The following TMEM117 variants were observed in gnomAD, a reference collection of about 807,000 sequenced individuals.
The protein encoded by TMEM117 is transmembrane protein 117.
In TMEM117, 27 loss-of-function variants were observed where a neutral mutation model predicts 52.4. The ratio of observed to expected loss-of-function variants is 0.51; its 90% CI spans 0.38 to 0.71. The LOEUF (loss-of-function observed/expected upper bound fraction) is 0.71. TMEM117 is among the 30% of genes least tolerant of loss of function. The pLI is 0.00. For missense variants in TMEM117, 556 were observed against 630.5 expected (o/e 0.88, Z 1.26); for synonymous variants, 215 against 206.3 (o/e 1.04, Z -0.36).
the TMEM117 span, among the ~76,000 whole-genome samples, chr12:43,807,560 T>C: frequency 1.3e-5 from 2 of 152,340 alleles, no homozygotes; most frequent in African/African-American, 4.8e-5. Context: ...AGAGAGAAAA[T>C]TGCAGAGTTG....
intron 3 of TMEM117, among the ~76,000 whole-genome samples, chr12:44,018,755 C>G (rs1946410440): frequency 6.9e-6 from 1 of 145,432 alleles, no homozygotes. Flanking sequence ...AAGTCTTGCT[C>G]TGTCGCCAGT....
rs140738586 is a variant in TMEM117, at chr12:43,898,306, C to T, written c.278-45904C>T. On this transcript the variant is annotated intron_variant, in intron 2 of 7. Coordinates refer to ENST00000266534, the MANE Select transcript of TMEM117 (RefSeq NM_032256.3). ...GTAATCTAGCTAGACATATGAATGCCCTTTTAGGTATTTTAGTGTCAAGCT... is the reference window on the plus strand; with the variant it reads ...GTAATCTAGCTAGACATATGAATGCTCTTTTAGGTATTTTAGTGTCAAGCT... 2.3e-3 allele frequency among the ~76,000 whole-genome samples: 348 copies of T among 150,464 alleles called. 1 individual carries two copies. The highest frequency in any genetic ancestry group is 4.0e-3 in the Non-Finnish European group (268 of 67,718).
intron 5 of TMEM117, among the ~76,000 whole-genome samples, chr12:44,266,588 T>C (rs1174565253): frequency 6.6e-6 from 1 of 152,188 alleles, no homozygotes; most frequent in African/African-American, 2.4e-5. Context: ...TCAATTTATT[T>C]TGCTGTCCTT....
intron 5 of TMEM117, among the ~76,000 whole-genome samples, chr12:44,249,491 C>T (rs1358927392): frequency 2.0e-5 from 3 of 152,068 alleles, no homozygotes; most frequent in Non-Finnish European, 4.4e-5. Context: ...GAAAAAACTA[C>T]GTTAAATTTC....
the TMEM117 span, chr12:43,806,132 G>C: frequency 3.3e-6 from 5 of 1,527,792 alleles, no homozygotes; most frequent in East Asian, 1.2e-4. Context: ...CTCCCGGCCC[G>C]ACTCCAGCCC....
At chr12:43,822,042 GTTT>G in the TMEM117 span, among the ~76,000 whole-genome samples, 1 of 152,168 alleles carries the variant, frequency 6.6e-6, no homozygotes, top group Non-Finnish European at 1.5e-5. Context: ...GTCTCAAAGA[GTTT>G]TTATAACTGT....
intron 3 of TMEM117, among the ~76,000 whole-genome samples, chr12:44,053,944 A>G (rs1057420805): frequency 6.6e-6 from 1 of 152,242 alleles, no homozygotes; most frequent in African/African-American, 2.4e-5. Flanking sequence ...TGGGGCAAAT[A>G]CAACTTTTAA....
chr12:43,893,638 T>C (rs576150840), intron 2 of TMEM117, among the ~76,000 whole-genome samples: 181 of 152,342 alleles, frequency 1.2e-3, no homozygotes, highest in African/African-American at 3.8e-3. Flanking sequence ...ATTTTTTCCA[T>C]CCAAATGTTA....
chr12:44,257,833 T>G (rs1950277093), intron 5 of TMEM117, among the ~76,000 whole-genome samples: 1 of 152,174 alleles, frequency 6.6e-6, no homozygotes, highest in Non-Finnish European at 1.5e-5. Flanking sequence ...GTTTCTATTT[T>G]TAAATAAAGT....
downstream of TMEM117, among the ~76,000 whole-genome samples, chr12:44,392,948 G>A (rs1160893709): frequency 2.0e-5 from 3 of 152,036 alleles, no homozygotes; most frequent in Admixed American, 2.0e-4. Flanking sequence ...ACAAACATCA[G>A]GGCAAATTTG....
At chr12:43,852,217 G>T (rs994169260) in intron 2 of TMEM117, among the ~76,000 whole-genome samples, 2 of 152,162 alleles carry the variant, frequency 1.3e-5, no homozygotes, top group African/African-American at 4.8e-5. Flanking sequence ...GGATCACGAG[G>T]TCAGGAGATT....
At chr12:43,841,794 C>A (rs943093365) in intron 1 of TMEM117, among the ~76,000 whole-genome samples, 2 of 152,062 alleles carry the variant, frequency 1.3e-5, no homozygotes, top group African/African-American at 4.8e-5. Flanking sequence ...GTTACAAAGT[C>A]CATGTGAGCC....
chr12:44,228,498 C>A (rs1211454882), intron 5 of TMEM117, among the ~76,000 whole-genome samples: 1 of 151,946 alleles, frequency 6.6e-6, no homozygotes, highest in African/African-American at 2.4e-5. Flanking sequence ...TTATACAGAC[C>A]TAAATAAATA....
intron 2 of TMEM117, among the ~76,000 whole-genome samples, chr12:43,870,013 CAT>C (rs1387141654): frequency 6.6e-6 from 1 of 152,148 alleles, no homozygotes. Context: ...TAAGTGAGAA[CAT>C]GTGGTATTTG....
intron 2 of TMEM117, among the ~76,000 whole-genome samples, chr12:43,935,064 G>A (rs1199313214): frequency 6.6e-6 from 1 of 152,106 alleles, no homozygotes; most frequent in African/African-American, 2.4e-5. Flanking sequence ...CTGGAATGCA[G>A]TGGCATGATC....
At chr12:43,928,545 A>C (rs945467547) in intron 2 of TMEM117, among the ~76,000 whole-genome samples, 3 of 152,014 alleles carry the variant, frequency 2.0e-5, no homozygotes, top group African/African-American at 7.2e-5. Flanking sequence ...TAACTATCAA[A>C]TATTTGCATT....
At chr12:43,887,178 G>A (rs7307888) in intron 2 of TMEM117, among the ~76,000 whole-genome samples, 15,783 of 152,140 alleles carry the variant, frequency 0.1, 2,465 homozygotes, top group African/African-American at 0.34. Context: ...GTGAGGGGTT[G>A]GGTGGCTGCA....
intron 4 of TMEM117, among the ~76,000 whole-genome samples, chr12:44,172,021 C>T (rs1949053810): frequency 1.3e-5 from 2 of 152,156 alleles, no homozygotes; most frequent in Non-Finnish European, 2.9e-5. Context: ...GTGGGTGAGG[C>T]AGCAGTGCTT....
intron 3 of TMEM117, among the ~76,000 whole-genome samples, chr12:44,056,603 C>G (rs1348519845): frequency 6.6e-6 from 1 of 152,032 alleles, no homozygotes; most frequent in Non-Finnish European, 1.5e-5. Context: ...AAGAACTTGA[C>G]TCTCTCTTTT....
Sources: allele counts gnomAD v4.1 joint callset (sites outside exome capture counted in the v4.1 genomes callset), GRCh38; gene constraint gnomAD v4.1.1; transcripts MANE v1.5; gene names NCBI Gene and HGNC (gene_info 2026-07-23, HGNC 2026-07-21).